Variants in LRP1B observed in about 807,000 individuals in gnomAD.
LRP1B encodes the protein low-density lipoprotein receptor-related protein 1B.
In LRP1B, 217 loss-of-function variants were observed where a neutral mutation model predicts 556.6. The ratio of observed to expected loss-of-function variants is 0.39; its 90% CI spans 0.35 to 0.44. LRP1B has a LOEUF of 0.44. Ranked by LOEUF, LRP1B falls within the 20% of genes least tolerant of loss-of-function variation. The pLI, the probability that LRP1B is intolerant of heterozygous loss-of-function variation, is 1.00. For synonymous variants in LRP1B, 2,047 were observed against 1,865.8 expected (o/e 1.10, Z -2.50); for missense variants, 5,053 against 5,620.8 (o/e 0.90, Z 3.23).
intron 31 of LRP1B, among the ~76,000 whole-genome samples, chr2:140,827,279 A>AG (rs1253944994): frequency 6.6e-6 from 1 of 152,172 alleles, no homozygotes; most frequent in South Asian, 2.1e-4. Context: ...ACAAAGAGCC[A>AG]GTGACTAACC....
At chr2:142,034,313 ATTTC>A (rs1248321784) in intron 1 of LRP1B, among the ~76,000 whole-genome samples, 5 of 151,750 alleles carry the variant, frequency 3.3e-5, no homozygotes, top group Non-Finnish European at 5.9e-5. Context: ...TTAATATCTA[ATTTC>A]TTTATGAGCC....
chr2:140,806,956 C>A (rs16844793), intron 32 of LRP1B, among the ~76,000 whole-genome samples: 3,692 of 152,248 alleles, frequency 0.024, 152 homozygotes, highest in East Asian at 0.17. Flanking sequence ...ACAATATATG[C>A]AGTCTGCTCT....
rs904009041 is a variant in LRP1B at position 140,324,125 on chromosome 2, CTA to C, written c.12341-61_12341-60del. 11 of 1,042,000 alleles carry C rather than the reference CTA, an allele frequency of 1.1e-5. No homozygotes were observed. In the African/African-American group the frequency reaches 1.4e-4, roughly 14 times the overall value. 64.5% of individuals were successfully genotyped at this position (1,042,000 alleles called of 1,614,324 possible). A position where few individuals can be genotyped will look rare whatever the true frequency, so the allele number is the denominator to read the frequency against. On this transcript the variant is annotated intron_variant, in intron 80 of 90. Coordinates refer to ENST00000389484, the MANE Select transcript of LRP1B (RefSeq NM_018557.3). ...AATGTATATACTCAGACTTTAAAAA[CTA>C]TGTTTATCCAAGACGATATTGAAAA...
intron 2 of LRP1B, among the ~76,000 whole-genome samples, chr2:141,768,721 G>T (rs890164539): frequency 2.6e-5 from 4 of 151,908 alleles, no homozygotes; most frequent in African/African-American, 9.7e-5. Flanking sequence ...CATAATATTT[G>T]ATTTTAATTG....
intron 12 of LRP1B, among the ~76,000 whole-genome samples, chr2:141,018,676 GT>G: frequency 6.6e-6 from 1 of 152,202 alleles, no homozygotes; most frequent in South Asian, 2.1e-4. Flanking sequence ...AGAAGATGCT[GT>G]TTTAAGATAG....
chr2:141,771,072 A>G (rs2105615438), intron 2 of LRP1B, among the ~76,000 whole-genome samples: 1 of 152,298 alleles, frequency 6.6e-6, no homozygotes, highest in African/African-American at 2.4e-5. Context: ...TCCCCTCAAA[A>G]GACCATATAT....
intron 90 of LRP1B, among the ~76,000 whole-genome samples, chr2:140,234,402 T>G (rs532309545): frequency 1.3e-5 from 2 of 151,380 alleles, no homozygotes; most frequent in South Asian, 4.1e-4. Context: ...TATAGTCTAT[T>G]TAACTGCACG....
At chr2:140,526,496 A>C in intron 47 of LRP1B, 146 bp from the exon 48 acceptor site, 1 of 580,598 alleles carries the variant, frequency 1.7e-6, no homozygotes, top group Non-Finnish European at 3.1e-6. Flanking sequence ...CCTGAACCCC[A>C]CCTTCAAGCG....
intron 9 of LRP1B, among the ~76,000 whole-genome samples, chr2:141,057,892 A>T (rs1386810490): frequency 2.0e-5 from 3 of 151,922 alleles, no homozygotes; most frequent in Non-Finnish European, 4.4e-5. Flanking sequence ...TCCATATAAA[A>T]TTGAAGACTG....
At chr2:141,865,567 G>A (rs1402956174) in intron 1 of LRP1B, among the ~76,000 whole-genome samples, 1 of 144,304 alleles carries the variant, frequency 6.9e-6, no homozygotes, top group Non-Finnish European at 1.5e-5. Context: ...ACTCCAGCCT[G>A]GGCGACAGAG....
chr2:140,979,846 T>C (rs1348322923), intron 18 of LRP1B, among the ~76,000 whole-genome samples: 3 of 152,108 alleles, frequency 2.0e-5, no homozygotes, highest in African/African-American at 7.2e-5. Context: ...CTCAAGCAGG[T>C]TTCTAAAAGT....
At chr2:140,274,353 T>G (rs914452862) in intron 85 of LRP1B, 71 bp downstream of exon 85, 8 of 1,342,086 alleles carry the variant, frequency 6.0e-6, no homozygotes, top group Non-Finnish European at 8.4e-6. Flanking sequence ...AAGTTTTTAC[T>G]ATTTATTACT....
At position 140,612,982 on chromosome 2, in the gene LRP1B, C is replaced by A. The variant is rs571244844; in HGVS notation, c.6800-11343G>T. On this transcript the variant is annotated intron_variant, in intron 41 of 90. Coordinates refer to ENST00000389484, the MANE Select transcript of LRP1B (RefSeq NM_018557.3). ...ACTTGGGGATTTATTTGCCACCCAG[C>A]AAGTTATCTCTTTTTTTTTCTTTTC... is the stretch of plus-strand genomic sequence containing the variant. Among the ~76,000 whole-genome samples the A allele has an allele frequency of 1.5e-3, 223 of 146,844 alleles. 1 individual carries two copies. The highest frequency in any genetic ancestry group is 5.0e-3 in the African/African-American group (204 of 40,828).
In LRP1B at chr2:141,461,618, T is replaced by C. The variant is rs143694591; in HGVS notation, c.343+18778A>G. ...TCTATGTTGACTGTATTTCAACAAA[T>C]ATTTATCCAGACAGGTAAATAAAAT... On this transcript the variant is annotated intron_variant, in intron 3 of 90. Transcript: ENST00000389484. Among the ~76,000 whole-genome samples, 221 of 152,338 alleles carry C rather than the reference T, an allele frequency of 1.5e-3. 2 individuals carry two copies. Among genetic ancestry groups the C allele is most frequent in the African/African-American group, 5.1e-3 (214 of 41,582 alleles).
chr2:140,637,004 A>C (rs1358610948), intron 41 of LRP1B, among the ~76,000 whole-genome samples: 2 of 152,190 alleles, frequency 1.3e-5, no homozygotes, highest in Admixed American at 1.3e-4. Context: ...TAAACTTTGA[A>C]TCTGTCCCGG....
chr2:141,509,836 G>A (rs1300291856), intron 2 of LRP1B, among the ~76,000 whole-genome samples: 2 of 151,968 alleles, frequency 1.3e-5, no homozygotes, highest in African/African-American at 2.4e-5. Context: ...CACAAATTTT[G>A]ATTTACACAA....
chr2:140,307,467 A>G (rs1006265422), intron 83 of LRP1B, among the ~76,000 whole-genome samples: 1 of 151,718 alleles, frequency 6.6e-6, no homozygotes, highest in Non-Finnish European at 1.5e-5. Flanking sequence ...ATAAAATCCT[A>G]TTGCTCATTT....
chr2:140,923,739 T>C (rs906971559), intron 20 of LRP1B, among the ~76,000 whole-genome samples: 7 of 152,000 alleles, frequency 4.6e-5, no homozygotes, highest in African/African-American at 1.7e-4. Context: ...AATAGACACT[T>C]AAATATAAGA....
chr2:141,603,255 C>T (rs10198366), intron 2 of LRP1B, among the ~76,000 whole-genome samples: 4,230 of 152,192 alleles, frequency 0.028, 95 homozygotes, highest in South Asian at 0.067. Context: ...CCTATAGGTG[C>T]CAATCATTTC....
Sources: allele counts gnomAD v4.1 joint callset (sites outside exome capture counted in the v4.1 genomes callset), GRCh38; gene constraint gnomAD v4.1.1; transcripts MANE v1.5; gene names NCBI Gene and HGNC (gene_info 2026-07-23, HGNC 2026-07-21).